The following CARMIL1 variants were observed in gnomAD, a reference collection of about 807,000 sequenced individuals.
CARMIL1 encodes F-actin-uncapping protein LRRC16A.
In CARMIL1, 90 loss-of-function variants were observed where a neutral mutation model predicts 177.1. That is an observed-to-expected ratio of 0.51 (90% CI 0.43 to 0.61). CARMIL1 has a LOEUF of 0.61. CARMIL1 is among the 20% of genes least tolerant of loss of function. The pLI is 0.00. For synonymous variants in CARMIL1, 577 were observed against 606.2 expected (o/e 0.95, Z 0.71); for missense variants, 1,380 against 1,667.0 (o/e 0.83, Z 3.00).
chr6:25,427,226 T>A (rs1796350222), intron 4 of CARMIL1, among the ~76,000 whole-genome samples: 1 of 152,174 alleles, frequency 6.6e-6, no homozygotes, highest in Non-Finnish European at 1.5e-5. Context: ...TGTGCCAGTT[T>A]GTTACCCAGG....
At chr6:25,483,459 C>T (rs1364420637) in intron 12 of CARMIL1, among the ~76,000 whole-genome samples, 1 of 152,034 alleles carries the variant, frequency 6.6e-6, no homozygotes, top group Non-Finnish European at 1.5e-5. Flanking sequence ...ATTTAATATA[C>T]ATATAGTATG....
intron 11 of CARMIL1, among the ~76,000 whole-genome samples, chr6:25,473,106 C>T (rs369288645): frequency 1.3e-5 from 2 of 152,218 alleles, no homozygotes; most frequent in South Asian, 2.1e-4. Context: ...CCCCCTATCT[C>T]ACAACACAGA....
chr6:25,402,983 C>G (rs1794016367), intron 2 of CARMIL1, among the ~76,000 whole-genome samples: 1 of 152,020 alleles, frequency 6.6e-6, no homozygotes, highest in African/African-American at 2.4e-5. Flanking sequence ...CATTTTTTCC[C>G]CTACTGAGGA....
At chr6:25,464,835 G>C (rs1462362274) in intron 8 of CARMIL1, among the ~76,000 whole-genome samples, 1 of 152,176 alleles carries the variant, frequency 6.6e-6, no homozygotes, top group Non-Finnish European at 1.5e-5. Flanking sequence ...TAACTGAACA[G>C]AGCAGTAAAA....
chr6:25,395,921 T>A (rs1020645491), intron 2 of CARMIL1, among the ~76,000 whole-genome samples: 1 of 152,192 alleles, frequency 6.6e-6, no homozygotes, highest in Non-Finnish European at 1.5e-5. Context: ...ATCATGCGGG[T>A]CCTTGTGACT....
intron 2 of CARMIL1, among the ~76,000 whole-genome samples, chr6:25,382,982 T>C (rs1210693076): frequency 1.3e-5 from 2 of 151,750 alleles, no homozygotes; most frequent in East Asian, 3.9e-4. Flanking sequence ...TGGATGGGGG[T>C]GAGGGAGGGC....
intron 16 of CARMIL1, among the ~76,000 whole-genome samples, chr6:25,499,031 C>T (rs1187174184): frequency 6.6e-6 from 1 of 152,128 alleles, no homozygotes; most frequent in African/African-American, 2.4e-5. Context: ...GTTTTCATAG[C>T]TGGAGGCAGC....
chr6:25,543,211 C>T (rs1278853476), intron 26 of CARMIL1, among the ~76,000 whole-genome samples: 8 of 152,050 alleles, frequency 5.3e-5, no homozygotes, highest in Non-Finnish European at 7.4e-5. Context: ...GGATTTATTC[C>T]AGCTCTAATA....
chr6:25,458,768 C>T (rs547295568), intron 8 of CARMIL1, among the ~76,000 whole-genome samples: 1 of 152,218 alleles, frequency 6.6e-6, no homozygotes, highest in African/African-American at 2.4e-5. Context: ...TGTAACCTTG[C>T]ATATTTCAAA....
intron 17 of CARMIL1, among the ~76,000 whole-genome samples, chr6:25,502,221 G>A (rs1804447838): frequency 2.7e-5 from 4 of 150,328 alleles, no homozygotes; most frequent in Admixed American, 2.6e-4. Flanking sequence ...GAAAGGGGTG[G>A]GATAGGTTAT....
chr6:25,411,555 G>A (rs940578560), intron 2 of CARMIL1, among the ~76,000 whole-genome samples: 10 of 152,178 alleles, frequency 6.6e-5, no homozygotes, highest in African/African-American at 2.2e-4. Flanking sequence ...ACCTGTGGGC[G>A]AACATTAGAC....
intron 2 of CARMIL1, among the ~76,000 whole-genome samples, chr6:25,402,154 T>G (rs894590740): frequency 1.3e-5 from 2 of 152,036 alleles, no homozygotes; most frequent in Non-Finnish European, 2.9e-5. Flanking sequence ...ACCAGCCCTT[T>G]CATTCATGGT....
chr6:25,330,556 G>A (rs1315347718), intron 2 of CARMIL1, among the ~76,000 whole-genome samples: 1 of 152,100 alleles, frequency 6.6e-6, no homozygotes, highest in Non-Finnish European at 1.5e-5. Flanking sequence ...AAGACAGTGA[G>A]GGGCTGGGTG....
chr6:25,606,445 G>A (rs562086269), intron 35 of CARMIL1, among the ~76,000 whole-genome samples, 172 bp downstream of exon 35: 19 of 152,274 alleles, frequency 1.2e-4, no homozygotes, highest in African/African-American at 3.9e-4. Flanking sequence ...GAGAGCTGAC[G>A]GATTCTTTTA....
chr6:25,324,296 A>G (rs1221837747), intron 2 of CARMIL1, among the ~76,000 whole-genome samples: 1 of 152,002 alleles, frequency 6.6e-6, no homozygotes, highest in East Asian at 1.9e-4. Context: ...GTCAGAGTTC[A>G]CAGTGCAAAG....
intron 31 of CARMIL1, among the ~76,000 whole-genome samples, chr6:25,591,417 T>C (rs1462198396): frequency 2.0e-5 from 3 of 152,232 alleles, no homozygotes; most frequent in Admixed American, 1.3e-4. Context: ...AGCCTTTCTC[T>C]GAGTGCAAAT....
chr6:25,384,065 C>T (rs531843060), intron 2 of CARMIL1, among the ~76,000 whole-genome samples: 67 of 152,324 alleles, frequency 4.4e-4, no homozygotes, highest in Non-Finnish European at 8.5e-4. Context: ...TCTCGAACTC[C>T]TGACCTCAAG....
At chr6:25,292,196 A>G (rs1782025509) in intron 2 of CARMIL1, among the ~76,000 whole-genome samples, 1 of 152,190 alleles carries the variant, frequency 6.6e-6, no homozygotes, top group Admixed American at 6.5e-5. Flanking sequence ...GTTGTTGGGT[A>G]ATTTGAACAG....
chr6:25,448,626 C>T (rs187489192), intron 5 of CARMIL1, among the ~76,000 whole-genome samples: 21 of 152,296 alleles, frequency 1.4e-4, no homozygotes, highest in African/African-American at 3.6e-4. Context: ...TCTTTGCCCT[C>T]GCTTTCGCCC....
Sources: allele counts gnomAD v4.1 joint callset (sites outside exome capture counted in the v4.1 genomes callset), GRCh38; gene constraint gnomAD v4.1.1; transcripts MANE v1.5; gene names NCBI Gene and HGNC (gene_info 2026-07-23, HGNC 2026-07-21).